Variants in NAA11 observed in about 807,000 individuals in gnomAD.
The protein encoded by NAA11 is N-alpha-acetyltransferase 11, NatA catalytic subunit.
Under a neutral mutation model 16.1 loss-of-function variants are expected in NAA11, and 15 were observed. That is an observed-to-expected ratio of 0.93 (90% CI 0.62 to 1.44). The LOEUF is 1.44. Among genes scored for constraint, NAA11 ranks in the 40% most tolerant of loss-of-function variants. NAA11 has a pLI of 0.00. For missense variants in NAA11, 298 were observed against 291.3 expected (o/e 1.02, Z -0.17); for synonymous variants, 122 against 112.4 (o/e 1.09, Z -0.54).
chr4:79,179,850 C>T, the NAA11 span, among the ~76,000 whole-genome samples: 10 of 152,180 alleles, frequency 6.6e-5, no homozygotes, highest in Admixed American at 5.9e-4. Flanking sequence ...TTAATTGACT[C>T]ACAGTTCCAC....
the NAA11 span, among the ~76,000 whole-genome samples, chr4:79,168,816 T>C: frequency 6.6e-6 from 1 of 152,220 alleles, no homozygotes; most frequent in Non-Finnish European, 1.5e-5. Context: ...TCCCATTCTG[T>C]AGGTTGCCTG....
At chr4:79,194,155 A>T in the NAA11 span, among the ~76,000 whole-genome samples, 1 of 152,084 alleles carries the variant, frequency 6.6e-6, no homozygotes, top group East Asian at 1.9e-4. Context: ...ATATACAATC[A>T]TGTCATCTGC....
At chr4:79,277,862 C>T (rs1450779750) in intron 2 of NAA11, among the ~76,000 whole-genome samples, 2 of 151,956 alleles carry the variant, frequency 1.3e-5, no homozygotes, top group African/African-American at 4.8e-5. Flanking sequence ...CAAGTGTGCG[C>T]TCACCATTGT....
chr4:79,161,559 G>A, the NAA11 span, among the ~76,000 whole-genome samples: 1 of 152,182 alleles, frequency 6.6e-6, no homozygotes, highest in Non-Finnish European at 1.5e-5. Flanking sequence ...CCACAAAACA[G>A]GAGGTTGAGA....
chr4:79,213,122 G>A, the NAA11 span, among the ~76,000 whole-genome samples: 2 of 152,160 alleles, frequency 1.3e-5, no homozygotes. Context: ...CAATGAAAGA[G>A]CAATGTTTTG....
At chr4:79,310,670 A>C (rs1723746947) in intron 1 of NAA11, among the ~76,000 whole-genome samples, 1 of 152,204 alleles carries the variant, frequency 6.6e-6, no homozygotes, top group African/African-American at 2.4e-5. Flanking sequence ...AAACAGGTAG[A>C]GTAAGAATGG....
chr4:79,325,651 G>A lies in NAA11; in HGVS notation c.227C>T (p.Ala76Val), dbSNP rs200538315. Reference protein sequence around the residue: ...DVPHGHITSLAVKRSHRRLGL... With the variant: ...DVPHGHITSLVVKRSHRRLGL... Reference sequence around the variant, plus strand: ...GAGGCGCCGGTGTGAACGCTTCACGGCCAGTGAGGTGATATGGCCATGCGG... The same window carrying A: ...GAGGCGCCGGTGTGAACGCTTCACGACCAGTGAGGTGATATGGCCATGCGG... Residue 76 changes from alanine to valine, a missense_variant, in exon 1 of 2, where the codon GCC becomes GTC. Physicochemically the swap from Ala to Val is moderately conservative, Grantham distance 64. Coordinates refer to ENST00000286794, the MANE Select transcript of NAA11 (RefSeq NM_032693.3). 319 of 1,614,080 alleles carry A rather than the reference G, an allele frequency of 2.0e-4. 3 individuals are homozygous for A. In the East Asian group the frequency reaches 5.4e-3, roughly 27 times the overall value.
At chr4:79,289,942 C>CAG (rs1723041993) in intron 2 of NAA11, among the ~76,000 whole-genome samples, 2 of 152,168 alleles carry the variant, frequency 1.3e-5, no homozygotes, top group Non-Finnish European at 2.9e-5. Flanking sequence ...AGGAGGTTCT[C>CAG]AGCCGTTCTC....
At chr4:79,268,075 A>G in intron 2 of NAA11, among the ~76,000 whole-genome samples, 1 of 152,136 alleles carries the variant, frequency 6.6e-6, no homozygotes, top group Non-Finnish European at 1.5e-5. Context: ...GTATTTTAAT[A>G]TGGACAATGG....
At chr4:79,243,065 C>T (rs1222130621) in intron 2 of NAA11, among the ~76,000 whole-genome samples, 2 of 152,154 alleles carry the variant, frequency 1.3e-5, no homozygotes, top group African/African-American at 2.4e-5. Context: ...AGTGATTTTC[C>T]GGAGTTGGGT....
chr4:79,182,446 C>A, the NAA11 span, among the ~76,000 whole-genome samples: 9,000 of 152,200 alleles, frequency 0.059, 362 homozygotes, highest in Middle Eastern at 0.12. Context: ...ACACATCTAC[C>A]ATGTTAATGT....
the NAA11 span, among the ~76,000 whole-genome samples, chr4:79,207,941 T>A: frequency 2.5e-3 from 381 of 152,242 alleles, 3 homozygotes; most frequent in South Asian, 3.9e-3. Flanking sequence ...TGATCCTCAG[T>A]GTAGGTGGGT....
chr4:79,301,447 A>G (rs72664042), intron 1 of NAA11, among the ~76,000 whole-genome samples: 15 of 152,274 alleles, frequency 9.9e-5, no homozygotes, highest in Non-Finnish European at 1.6e-4. Flanking sequence ...ATGCTGTTAA[A>G]TATATTTCTT....
the NAA11 span, among the ~76,000 whole-genome samples, chr4:79,191,925 T>G: frequency 4.6e-5 from 7 of 152,174 alleles, no homozygotes; most frequent in Non-Finnish European, 1.0e-4. Flanking sequence ...CCAGCACCAT[T>G]TATTGAACAG....
At chr4:79,239,855 A>G (rs1721651047) in intron 2 of NAA11, among the ~76,000 whole-genome samples, 1 of 152,202 alleles carries the variant, frequency 6.6e-6, no homozygotes, top group Admixed American at 6.5e-5. Context: ...AGATTTCCCC[A>G]GCTAGCCCAC....
chr4:79,170,438 T>C, the NAA11 span, among the ~76,000 whole-genome samples: 2 of 152,176 alleles, frequency 1.3e-5, no homozygotes, highest in South Asian at 4.1e-4. Context: ...CAGATGTTTC[T>C]CCTCTCTGAA....
chr4:79,166,729 C>T, the NAA11 span, among the ~76,000 whole-genome samples: 8 of 148,832 alleles, frequency 5.4e-5, no homozygotes, highest in South Asian at 2.2e-4. Flanking sequence ...ATTAGCTGGG[C>T]GTGGTGGCAC....
the NAA11 span, among the ~76,000 whole-genome samples, chr4:79,209,757 T>A: frequency 3.9e-5 from 6 of 152,198 alleles, no homozygotes; most frequent in African/African-American, 1.4e-4. Context: ...TAGATTACAT[T>A]GGTCAGGGCT....
chr4:79,210,630 A>G, the NAA11 span, among the ~76,000 whole-genome samples: 2 of 152,188 alleles, frequency 1.3e-5, no homozygotes, highest in African/African-American at 2.4e-5. Flanking sequence ...CTAGACTACT[A>G]TCATATGCTT....
Sources: gnomAD v4.1 joint callset for allele counts (sites outside exome capture counted in the v4.1 genomes callset) on GRCh38, gnomAD v4.1.1 for gene constraint, MANE v1.5 for transcripts, NCBI Gene and HGNC (gene_info 2026-07-23, HGNC 2026-07-21) for gene names.